MGAM: variants seen among roughly 807,000 people sequenced by gnomAD.
The protein encoded by MGAM is alpha-1,4-glucosidase.
In MGAM, 253 loss-of-function variants were observed where a neutral mutation model predicts 358.8. That is an observed-to-expected ratio of 0.71 (90% CI 0.64 to 0.78). MGAM has a LOEUF of 0.78. MGAM is among the 30% of genes least tolerant of loss of function. The pLI is 0.00. For missense variants in MGAM, 3,080 were observed against 3,432.6 expected (o/e 0.90, Z 2.57); for synonymous variants, 1,105 against 1,227.1 (o/e 0.90, Z 2.08).
chr7:142,103,182 T>C (rs565103311), intron 69 of MGAM, 87 bp from the exon 70 acceptor site: 1 of 1,121,702 alleles, frequency 8.9e-7, no homozygotes, highest in Non-Finnish European at 1.2e-6. Context: ...TGTCTTACTT[T>C]ATGACCTACA....
At chr7:142,071,394 A>G (rs1020234299) in intron 44 of MGAM, among the ~76,000 whole-genome samples, 1 of 146,754 alleles carries the variant, frequency 6.8e-6, no homozygotes, top group Non-Finnish European at 1.5e-5. Flanking sequence ...AAATAAGAGC[A>G]ACCACAATTC....
At position 142,025,059 on chromosome 7, in the gene MGAM, A is replaced by G. The variant is rs1554460351; in HGVS notation, c.892A>G (p.Asn298Asp). Reference sequence around the variant, plus strand: ...AATTCTCTTTCTGCAGAACGGAACTAATTTGTATGGTGCGCAGACATTCTT... The same window carrying G: ...AATTCTCTTTCTGCAGAACGGAACTGATTTGTATGGTGCGCAGACATTCTT... ...RDTTPNGNGTNLYGAQTFFLC... is the reference protein window; with the variant it reads ...RDTTPNGNGTDLYGAQTFFLC... Residue 298 changes from asparagine (N) to aspartate (D), a missense_variant, in exon 8 of 71, where the codon AAT becomes GAT. Asn to Asp is a conservative substitution (Grantham distance 23, BLOSUM62 1). Transcript: ENST00000475668. 6.2e-7 allele frequency: 1 copy of G among 1,613,274 alleles called. No homozygotes were observed. Among genetic ancestry groups the G allele is most frequent in the African/African-American group, 1.3e-5 (1 of 75,020 alleles).
At chr7:142,095,460 G>C in intron 63 of MGAM, 105 bp from the exon 64 acceptor site, 1 of 1,516,336 alleles carries the variant, frequency 6.6e-7, no homozygotes, top group Non-Finnish European at 8.9e-7. Flanking sequence ...GTTTTCTTTT[G>C]TTTAGCTGTG....
rs183124388 is a variant in MGAM at position 142,065,988 on chromosome 7, G to A, written c.4770+157G>A. Among the ~76,000 whole-genome samples, 75 of 141,148 alleles carry A rather than the reference G, an allele frequency of 5.3e-4. 1 individual carries two copies. The highest frequency in any genetic ancestry group is 1.7e-3 in the African/African-American group (69 of 39,494). The allele number at this position is 141,148 out of a possible 152,430, so 92.6% of individuals were successfully genotyped here. A position where few individuals can be genotyped will look rare whatever the true frequency, so the allele number is the denominator to read the frequency against. On this transcript the variant is annotated intron_variant, in intron 40 of 70. Coordinates refer to ENST00000475668, the MANE Select transcript of MGAM (RefSeq NM_001365693.1). ...GTTTTGTTTTTTTTTTTGAAACAGG[G>A]ATTTACTCTGTTGGCCAGGCTGAAT...
intron 21 of MGAM, among the ~76,000 whole-genome samples, chr7:142,046,071 AAT>A (rs1563160393): frequency 1.2e-5 from 1 of 83,888 alleles, no homozygotes; most frequent in African/African-American, 3.4e-5. Flanking sequence ...TATAATATAT[AAT>A]ATAGAAATTT....
rs1204131213 is a variant in MGAM at position 142,081,995 on chromosome 7, A to G, written c.6003-47A>G. The G allele has an allele frequency of 1.9e-5, 29 of 1,525,730 alleles. 3 individuals carry two copies. The highest frequency in any genetic ancestry group is 2.6e-5 in the Non-Finnish European group (29 of 1,108,020). The allele number at this position is 1,525,730 out of a possible 1,614,324, so 94.5% of individuals were successfully genotyped here. On this transcript the variant is annotated intron_variant, in intron 50 of 70. Transcript: ENST00000475668. ...TTGAAAAGTCAGCTGCTGGAAGCAGAGAGAAAAGCCCATTTTCTGTTTCAA... is the reference window on the plus strand; with the variant it reads ...TTGAAAAGTCAGCTGCTGGAAGCAGGGAGAAAAGCCCATTTTCTGTTTCAA...
rs563368082 is a variant in MGAM at position 142,030,199 on chromosome 7, A to G, written c.1222-163A>G. The G allele has an allele frequency of 5.0e-5, 39 of 787,124 alleles. No homozygotes were observed. The African/African-American group carries it at 6.7e-4, about 13-fold the overall frequency. The allele number at this position is 787,124 out of a possible 1,614,324, so 48.8% of individuals were successfully genotyped here. ...AACCAACCAGTCGTGTGTTTTTGAA[A>G]TCAACATTGGAAAAGAAGTACTCAG... On this transcript the variant is annotated intron_variant, in intron 10 of 70. Coordinates refer to ENST00000475668, the MANE Select transcript of MGAM (RefSeq NM_001365693.1).
chr7:142,043,102 C>A (rs1212876569), intron 21 of MGAM, among the ~76,000 whole-genome samples: 4 of 49,948 alleles, frequency 8.0e-5, no homozygotes, highest in South Asian at 8.9e-4. Flanking sequence ...ATTATATATA[C>A]ATATAATATC....
Position 142,078,312 on chromosome 7 carries a change from C to A in MGAM, c.5494-6C>A, listed in dbSNP as rs1273374683. 3 of 1,457,810 alleles carry A rather than the reference C, an allele frequency of 2.1e-6. No homozygotes were observed. In the South Asian group the frequency reaches 3.9e-5, roughly 19 times the overall value. The allele number at this position is 1,457,810 out of a possible 1,614,324, so 90.3% of individuals were successfully genotyped here. A position where few individuals can be genotyped will look rare whatever the true frequency, so the allele number is the denominator to read the frequency against. On this transcript the variant is annotated splice_polypyrimidine_tract_variant and splice_region_variant and intron_variant, in intron 47 of 70. Coordinates refer to ENST00000475668, the MANE Select transcript of MGAM (RefSeq NM_001365693.1). ...GAATTTCCTTGTGATTTCTGCATTCCTACAGGTCGCCATTATCACAGACAT... is the reference window on the plus strand; with the variant it reads ...GAATTTCCTTGTGATTTCTGCATTCATACAGGTCGCCATTATCACAGACAT...
chr7:142,062,259 G>A (rs1238622299), intron 34 of MGAM, among the ~76,000 whole-genome samples: 1 of 152,210 alleles, frequency 6.6e-6, no homozygotes, highest in African/African-American at 2.4e-5. Flanking sequence ...GAAATGGCAG[G>A]ACTGACGTTG....
chr7:142,087,895 G>T lies in MGAM; in HGVS notation c.6810+1178G>T, dbSNP rs116427742. Among the ~76,000 whole-genome samples, 19 of 146,610 alleles carry T rather than the reference G, an allele frequency of 1.3e-4. 1 individual carries two copies. The highest frequency in any genetic ancestry group is 4.6e-4 in the African/African-American group (19 of 41,278). On this transcript the variant is annotated intron_variant, in intron 57 of 70. Transcript: ENST00000475668. ...CTTTTGGGAGTTCTTTCTACGTAAT[G>T]TAAGATTGTATCCCATGGACAGAGG...
rs772664553 is a variant in MGAM at position 142,082,470 on chromosome 7, T to C, written c.6172-5T>C. 3.3e-6 allele frequency: 5 copies of C among 1,512,480 alleles called. No individual in the cohort carries two copies. Among genetic ancestry groups the C allele is most frequent in the East Asian group, 4.7e-5 (2 of 42,624 alleles). 93.7% of individuals were successfully genotyped at this position (1,512,480 alleles called of 1,614,324 possible). A position where few individuals can be genotyped will look rare whatever the true frequency, so the allele number is the denominator to read the frequency against. ...CTCCTACTGCTTCTCCCCATGACTCTCCAGTACAAGAAGAATTCCTATGGT... is the reference window on the plus strand; with the variant it reads ...CTCCTACTGCTTCTCCCCATGACTCCCCAGTACAAGAAGAATTCCTATGGT... On this transcript the variant is annotated splice_region_variant and splice_polypyrimidine_tract_variant and intron_variant, in intron 51 of 70. Transcript: ENST00000475668.
At chr7:142,064,820 A>G (rs1812564645) in intron 37 of MGAM, among the ~76,000 whole-genome samples, 1 of 152,148 alleles carries the variant, frequency 6.6e-6, no homozygotes, top group African/African-American at 2.4e-5. Context: ...CAGTGGAACA[A>G]TAGCTTTAGT....
At chr7:142,063,639 C>T (rs2129042299) in intron 36 of MGAM, 53 bp downstream of exon 36, 2 of 1,583,440 alleles carry the variant, frequency 1.3e-6, no homozygotes, top group East Asian at 2.3e-5. Context: ...AAGGATTACA[C>T]TGGAGGAGCC....
In MGAM at chr7:142,047,699, A is replaced by G. The variant is rs62477571; in HGVS notation, c.2499-86A>G. ...CCATCTGCTGCTAGTAACTTTTCCA[A>G]TTTGAAATTTGATGGAAATATTCTC... is the stretch of plus-strand genomic sequence containing the variant. On this transcript the variant is annotated intron_variant, in intron 21 of 70. Transcript: ENST00000475668. 237,581 of 1,306,906 alleles carry G rather than the reference A, an allele frequency of 0.18. 22,504 individuals are homozygous for G. Among genetic ancestry groups the G allele is most frequent in the Middle Eastern group, 0.28 (1,553 of 5,528 alleles). The allele number at this position is 1,306,906 out of a possible 1,614,324, so 81.0% of individuals were successfully genotyped here. A position where few individuals can be genotyped will look rare whatever the true frequency, so the allele number is the denominator to read the frequency against.
At chr7:142,031,979 A>G (rs1240580834) in intron 13 of MGAM, among the ~76,000 whole-genome samples, 186 bp downstream of exon 13, 1 of 152,104 alleles carries the variant, frequency 6.6e-6, no homozygotes, top group Non-Finnish European at 1.5e-5. Context: ...TAGAATAAAA[A>G]TCAAAATGTT....
intron 1 of MGAM, among the ~76,000 whole-genome samples, chr7:142,002,694 C>G (rs1804829759): frequency 6.6e-6 from 1 of 151,886 alleles, no homozygotes; most frequent in Non-Finnish European, 1.5e-5. Flanking sequence ...CCCATTGTCA[C>G]CACTCATATT....
chr7:142,075,222 A>G (rs1813641501), intron 45 of MGAM, among the ~76,000 whole-genome samples: 1 of 146,666 alleles, frequency 6.8e-6, no homozygotes, highest in Non-Finnish European at 1.5e-5. Flanking sequence ...TATATGTACC[A>G]GAACATCTTT....
intron 40 of MGAM, 66 bp from the exon 41 acceptor site, chr7:142,066,498 ATGCTTTTAG>A (rs1228378693): frequency 1.4e-6 from 2 of 1,462,058 alleles, no homozygotes; most frequent in Non-Finnish European, 1.9e-6. Context: ...CAATTGGAGT[ATGCTTTTAG>A]TGACCTTCTT....
Sources: allele counts gnomAD v4.1 joint callset (sites outside exome capture counted in the v4.1 genomes callset), GRCh38; gene constraint gnomAD v4.1.1; transcripts MANE v1.5; gene names NCBI Gene and HGNC (gene_info 2026-07-23, HGNC 2026-07-21).